ZC3H12B: variants seen among roughly 807,000 people sequenced by gnomAD.
ZC3H12B encodes the protein zinc finger CCCH-type containing 12B.
In ZC3H12B, 7 loss-of-function variants were observed where a neutral mutation model predicts 43.9. The observed-to-expected ratio is 0.16, with a 90% CI of 0.09 to 0.30. The LOEUF (loss-of-function observed/expected upper bound fraction) is 0.30. Among genes scored for constraint, ZC3H12B ranks in the 10% least tolerant of loss-of-function variants. ZC3H12B has a pLI of 1.00. For missense variants in ZC3H12B, 475 were observed against 670.2 expected (o/e 0.71, Z 3.22); for synonymous variants, 222 against 241.7 (o/e 0.92, Z 0.76).
chrX:65,502,428 G>A lies in ZC3H12B; in HGVS notation c.1730G>A (p.Arg577Gln), dbSNP rs776451042. Residue 577 changes from arginine to glutamine, a missense_variant, in exon 5 of 5, where the codon CGG becomes CAG. Coordinates refer to ENST00000338957, the Ensembl canonical transcript of ZC3H12B. Reference sequence around the variant, plus strand: ...GAAGTAGACCGGGGGGTGTATGCCCGGAATCCTAACCTCTGTTCTGACAGC... The same window carrying A: ...GAAGTAGACCGGGGGGTGTATGCCCAGAATCCTAACCTCTGTTCTGACAGC... The A allele has an allele frequency of 3.3e-5, 40 of 1,208,588 alleles. No homozygotes were observed. The highest frequency in any genetic ancestry group is 4.4e-5 in the Admixed American group (2 of 45,630).
At chrX:65,037,745 GATAAA>G in the ZC3H12B span, among the ~76,000 whole-genome samples, 1 of 110,580 alleles carries the variant, frequency 9.0e-6, no homozygotes, top group East Asian at 2.8e-4. Context: ...ACTATTTCTT[GATAAA>G]ATAAATTAGG....
chrX:65,321,525 T>C, the ZC3H12B span, among the ~76,000 whole-genome samples: 1 of 111,545 alleles, frequency 9.0e-6, no homozygotes, highest in Non-Finnish European at 1.9e-5. Context: ...AGAACTATCA[T>C]TTGACCCAGT....
intron 2 of ZC3H12B, among the ~76,000 whole-genome samples, chrX:65,391,816 G>T (rs2066620324): frequency 9.0e-6 from 1 of 111,280 alleles, no homozygotes; most frequent in Non-Finnish European, 1.9e-5. Flanking sequence ...TCCCTCTGTT[G>T]CCAAGGCTGG....
chrX:65,347,902 A>G, the ZC3H12B span, among the ~76,000 whole-genome samples: 1 of 112,561 alleles, frequency 8.9e-6, no homozygotes, highest in African/African-American at 3.2e-5. Context: ...AATACCATGC[A>G]GCCATAAAAA....
the ZC3H12B span, among the ~76,000 whole-genome samples, chrX:65,206,879 G>C: frequency 1.8e-5 from 2 of 110,757 alleles, no homozygotes; most frequent in Admixed American, 9.7e-5. Context: ...AGAAGATATA[G>C]CAGTGGCCAA....
intron 2 of ZC3H12B, among the ~76,000 whole-genome samples, chrX:65,381,082 T>A (rs12891920): frequency 2.7e-5 from 3 of 111,255 alleles, no homozygotes; most frequent in Non-Finnish European, 5.7e-5. Context: ...GGAATTGAAC[T>A]CAGCTCTGCA....
At chrX:65,283,046 C>G in the ZC3H12B span, among the ~76,000 whole-genome samples, 1 of 111,868 alleles carries the variant, frequency 8.9e-6, no homozygotes, top group African/African-American at 3.3e-5. Flanking sequence ...ACCAATATCA[C>G]TGATGAACAT....
chrX:65,470,747 G>A (rs893505792), intron 3 of ZC3H12B, among the ~76,000 whole-genome samples: 1 of 111,814 alleles, frequency 8.9e-6, no homozygotes, highest in Non-Finnish European at 1.9e-5. Flanking sequence ...ACTGGTCTGC[G>A]TTTTAGGATG....
intron 3 of ZC3H12B, among the ~76,000 whole-genome samples, chrX:65,423,315 A>G (rs1488934281): frequency 8.9e-6 from 1 of 112,082 alleles, no homozygotes; most frequent in African/African-American, 3.2e-5. Context: ...GTGCTGCAAT[A>G]AACATACATG....
Position 65,423,936 on chromosome X carries a change from A to T in ZC3H12B, n.407+25232A>T, listed in dbSNP as rs1352706412. Among the ~76,000 whole-genome samples the T allele has an allele frequency of 4.5e-5, 5 of 111,345 alleles. No individual in the cohort carries two copies. The Admixed American group carries it at 4.8e-4, about 11-fold the overall frequency. On this transcript the variant is annotated intron_variant and non_coding_transcript_variant, in intron 3 of 5. Coordinates refer to the ZC3H12B transcript ENST00000617377. ...CATGAATAGCTCTTATTATTTTGAGATGTGTTCCATTGATACCTAGTTTGT... is the reference window on the plus strand; with the variant it reads ...CATGAATAGCTCTTATTATTTTGAGTTGTGTTCCATTGATACCTAGTTTGT...
the ZC3H12B span, among the ~76,000 whole-genome samples, chrX:65,352,469 A>T: frequency 3.7e-3 from 6 of 1,636 alleles, no homozygotes; most frequent in African/African-American, 0.013. Flanking sequence ...GTATAATTTA[A>T]AAAAAAAAAA....
the ZC3H12B span, among the ~76,000 whole-genome samples, chrX:65,112,112 T>C: frequency 8.9e-6 from 1 of 112,295 alleles, no homozygotes; most frequent in African/African-American, 3.2e-5. Context: ...AAAGTAAAAC[T>C]GTCTTATTGG....
At chrX:65,315,418 A>T in the ZC3H12B span, among the ~76,000 whole-genome samples, 7 of 111,642 alleles carry the variant, frequency 6.3e-5, no homozygotes, top group Admixed American at 6.7e-4. Flanking sequence ...TTGAAAATAC[A>T]TTTGAGAAGC....
the ZC3H12B span, among the ~76,000 whole-genome samples, chrX:65,127,087 T>G: frequency 9.0e-6 from 1 of 111,177 alleles, no homozygotes; most frequent in East Asian, 2.9e-4. Flanking sequence ...CTATGTCATA[T>G]TAATCAGAAT....
At chrX:65,113,720 T>C in the ZC3H12B span, among the ~76,000 whole-genome samples, 1 of 109,658 alleles carries the variant, frequency 9.1e-6, no homozygotes. Context: ...TCAGCAGCTG[T>C]CAACATCGAG....
At chrX:65,192,769 C>CAGATAGGT in the ZC3H12B span, among the ~76,000 whole-genome samples, 1 of 104,377 alleles carries the variant, frequency 9.6e-6, no homozygotes, top group African/African-American at 3.7e-5. Flanking sequence ...GGGATTTTCC[C>CAGATAGGT]AGATAGATAG....
the ZC3H12B span, among the ~76,000 whole-genome samples, chrX:65,161,302 A>C: frequency 1.8e-5 from 2 of 111,214 alleles, no homozygotes; most frequent in African/African-American, 6.5e-5. Flanking sequence ...GCTGAATTCA[A>C]TTCCTGGGGA....
intron 3 of ZC3H12B, among the ~76,000 whole-genome samples, chrX:65,433,077 G>C (rs748592169): frequency 8.9e-6 from 1 of 112,845 alleles, no homozygotes; most frequent in South Asian, 3.6e-4. Flanking sequence ...GGAGAAAAAG[G>C]CATTTGCCAA....
chrX:65,472,848 A>ATATGTTTGTGTATATATATGTT (rs1569420523), intron 3 of ZC3H12B, among the ~76,000 whole-genome samples: 19 of 78,260 alleles, frequency 2.4e-4, no homozygotes, highest in African/African-American at 1.5e-3. Context: ...ATATATATAT[A>ATATGTTTGTGTATATATATGTT]TATATATATA....
Sources: allele counts gnomAD v4.1 joint callset (sites outside exome capture counted in the v4.1 genomes callset), GRCh38; gene constraint gnomAD v4.1.1; transcripts MANE v1.5; gene names NCBI Gene and HGNC (gene_info 2026-07-23, HGNC 2026-07-21).